Variants in SHISA9 observed in about 807,000 individuals in gnomAD.
SHISA9 encodes the protein shisa family member 9.
SHISA9 carries 13 observed loss-of-function variants against 38.0 expected under a neutral mutation model. The observed-to-expected ratio is 0.34, with a 90% CI of 0.22 to 0.54. The LOEUF is 0.54. Ranked by LOEUF, SHISA9 falls within the 20% of genes least tolerant of loss-of-function variation. The pLI is 0.91. For synonymous variants in SHISA9, 275 were observed against 242.0 expected (o/e 1.14, Z -1.27); for missense variants, 538 against 575.8 (o/e 0.93, Z 0.67).
the SHISA9 span, among the ~76,000 whole-genome samples, chr16:13,295,573 G>A: frequency 3.9e-5 from 6 of 152,134 alleles, no homozygotes; most frequent in Non-Finnish European, 8.8e-5. Context: ...GGAAGGAGAC[G>A]AGCCTTGGTT....
chr16:13,199,179 G>C (rs187383062), intron 2 of SHISA9, among the ~76,000 whole-genome samples: 3 of 152,260 alleles, frequency 2.0e-5, no homozygotes, highest in East Asian at 3.9e-4. Flanking sequence ...AAACAGATGA[G>C]AGAAAGGACT....
chr16:13,195,471 A>G (rs1336172264), intron 2 of SHISA9, among the ~76,000 whole-genome samples: 1 of 152,252 alleles, frequency 6.6e-6, no homozygotes, highest in Non-Finnish European at 1.5e-5. Context: ...CAAATCTTCC[A>G]TGAGGAATAA....
chr16:13,465,395 A>C, the SHISA9 span, among the ~76,000 whole-genome samples: 1 of 152,200 alleles, frequency 6.6e-6, no homozygotes, highest in Non-Finnish European at 1.5e-5. Context: ...TCAAAGGAAA[A>C]GTCCAATAAG....
intron 2 of SHISA9, among the ~76,000 whole-genome samples, chr16:12,925,883 GTATTAT>G (rs1353608396): frequency 5.3e-5 from 8 of 151,932 alleles, no homozygotes; most frequent in Admixed American, 1.3e-4. Context: ...GCTCTTTTTG[GTATTAT>G]TATTATTATT....
chr16:13,483,871 T>C, the SHISA9 span, among the ~76,000 whole-genome samples: 275 of 152,280 alleles, frequency 1.8e-3, 1 homozygote, highest in African/African-American at 6.4e-3. Flanking sequence ...ATCTCTTCAT[T>C]TGGATCCTTT....
the SHISA9 span, among the ~76,000 whole-genome samples, chr16:13,257,550 A>G: frequency 1.3e-5 from 2 of 152,162 alleles, no homozygotes; most frequent in African/African-American, 4.8e-5. Context: ...TTTCAATAAC[A>G]TCATCTTATT....
chr16:13,468,452 A>G, the SHISA9 span, among the ~76,000 whole-genome samples: 1 of 152,194 alleles, frequency 6.6e-6, no homozygotes, highest in Non-Finnish European at 1.5e-5. Flanking sequence ...TGATGCACAG[A>G]CTTATCCATC....
intron 2 of SHISA9, among the ~76,000 whole-genome samples, chr16:13,014,137 C>T (rs1342264857): frequency 6.6e-6 from 1 of 152,148 alleles, no homozygotes; most frequent in East Asian, 1.9e-4. Context: ...GCTATTATCC[C>T]CATTTTACAG....
At chr16:13,425,956 T>C in the SHISA9 span, among the ~76,000 whole-genome samples, 446 of 152,302 alleles carry the variant, frequency 2.9e-3, 2 homozygotes, top group African/African-American at 0.01. Flanking sequence ...CAAGGTCAAG[T>C]ACTTGTGCTT....
chr16:12,902,237 C>T lies in SHISA9; in HGVS notation c.173C>T (p.Ala58Val). The T allele has an allele frequency of 2.6e-6, 4 of 1,542,578 alleles. No homozygotes were observed. The highest frequency in any genetic ancestry group is 3.5e-6 in the Non-Finnish European group (4 of 1,146,378). Residue 58 changes from alanine to valine, a missense_variant, in exon 1 of 5, where the codon GCT becomes GTT. Coordinates refer to ENST00000558583, the MANE Select transcript of SHISA9 (RefSeq NM_001145204.3). The part of the protein sequence containing the change: ...GAASGEASEG[A>V]EASDAPPTRA... ...GCCTCCGGAGAGGCCAGCGAGGGCGCTGAGGCATCGGACGCGCCCCCGACC... is the reference window on the plus strand; with the variant it reads ...GCCTCCGGAGAGGCCAGCGAGGGCGTTGAGGCATCGGACGCGCCCCCGACC...
the SHISA9 span, among the ~76,000 whole-genome samples, chr16:13,498,483 G>A: frequency 6.6e-6 from 1 of 152,254 alleles, no homozygotes; most frequent in East Asian, 1.9e-4. Flanking sequence ...ACGGCTGGGC[G>A]CAGTGGCTCA....
the SHISA9 span, among the ~76,000 whole-genome samples, chr16:13,395,181 C>A: frequency 4.6e-5 from 7 of 152,184 alleles, no homozygotes; most frequent in African/African-American, 1.7e-4. Context: ...GGCTGGTGCA[C>A]CTTCGAGGAG....
At chr16:13,269,071 G>A in the SHISA9 span, among the ~76,000 whole-genome samples, 1 of 152,300 alleles carries the variant, frequency 6.6e-6, no homozygotes, top group East Asian at 1.9e-4. Flanking sequence ...AGTAACATGT[G>A]CAGAAGACAG....
intron 4 of SHISA9, among the ~76,000 whole-genome samples, chr16:13,219,690 G>C (rs146292543): frequency 0.019 from 2,952 of 152,246 alleles, 47 homozygotes; most frequent in Non-Finnish European, 0.03. Flanking sequence ...CAAACCACAT[G>C]GATTAGGAAT....
intron 2 of SHISA9, among the ~76,000 whole-genome samples, chr16:13,156,003 G>A (rs1459849120): frequency 6.6e-6 from 1 of 152,130 alleles, no homozygotes; most frequent in Non-Finnish European, 1.5e-5. Context: ...GTGGGGTGGT[G>A]GGAATGTGTT....
the SHISA9 span, among the ~76,000 whole-genome samples, chr16:13,538,889 A>C: frequency 4.6e-5 from 7 of 152,226 alleles, no homozygotes; most frequent in East Asian, 1.4e-3. Flanking sequence ...TTTTTGGATT[A>C]AAAAAACACT....
At chr16:13,417,173 G>T in the SHISA9 span, among the ~76,000 whole-genome samples, 3 of 152,210 alleles carry the variant, frequency 2.0e-5, no homozygotes, top group African/African-American at 7.2e-5. Context: ...TCGTTCTCAG[G>T]AAGTTAGAGG....
intron 2 of SHISA9, among the ~76,000 whole-genome samples, chr16:13,087,701 A>T (rs1180293441): frequency 1.3e-5 from 2 of 151,980 alleles, no homozygotes; most frequent in Non-Finnish European, 2.9e-5. Flanking sequence ...AATTTGTTTG[A>T]GTTCTTTGTA....
the SHISA9 span, among the ~76,000 whole-genome samples, chr16:13,444,249 T>C: frequency 6.6e-6 from 1 of 152,116 alleles, no homozygotes; most frequent in African/African-American, 2.4e-5. Context: ...CACGCACCTA[T>C]AGTCCCAGCT....
Sources: allele counts gnomAD v4.1 joint callset (sites outside exome capture counted in the v4.1 genomes callset), GRCh38; gene constraint gnomAD v4.1.1; transcripts MANE v1.5; gene names NCBI Gene and HGNC (gene_info 2026-07-23, HGNC 2026-07-21).